PRR5: variants seen among roughly 807,000 people sequenced by gnomAD.
PRR5 encodes proline-rich protein 5.
PRR5 carries 25 observed loss-of-function variants against 30.6 expected under a neutral mutation model. The ratio of observed to expected loss-of-function variants is 0.82; its 90% confidence interval spans 0.60 to 1.14. The LOEUF is 1.14. Among genes scored for constraint, PRR5 ranks in the 50% most tolerant of loss-of-function variants. The pLI is 0.00. For missense variants in PRR5, 600 were observed against 547.1 expected (o/e 1.10, Z -0.96); for synonymous variants, 286 against 247.1 (o/e 1.16, Z -1.48).
chr22:44,696,138 G>A (rs192181452), intron 1 of PRR5, among the ~76,000 whole-genome samples: 46 of 151,950 alleles, frequency 3.0e-4, no homozygotes, highest in Non-Finnish European at 5.3e-4. Flanking sequence ...TGGCCAGGCT[G>A]GTCTGGAATT....
intron 5 of PRR5, 65 bp from the exon 6 acceptor site, chr22:44,732,186 C>T (rs1322565916): frequency 7.6e-6 from 12 of 1,584,110 alleles, no homozygotes; most frequent in South Asian, 1.1e-5. Flanking sequence ...GTCCCAGGAC[C>T]GGGAGAGGGG....
chr22:44,696,728 T>C (rs948775667), intron 1 of PRR5, among the ~76,000 whole-genome samples: 2 of 151,334 alleles, frequency 1.3e-5, no homozygotes, highest in African/African-American at 2.4e-5. Context: ...TACGTATTTA[T>C]TTATTTATTT....
chr22:44,729,629 A>G (rs1921551657), intron 4 of PRR5: 3 of 985,316 alleles, frequency 3.0e-6, no homozygotes, highest in Admixed American at 6.1e-5. Context: ...GGGTCGCCCC[A>G]TACCTGCCTC....
chr22:44,705,235 GGC>G (rs1177027284), intron 1 of PRR5, among the ~76,000 whole-genome samples: 3 of 152,146 alleles, frequency 2.0e-5, no homozygotes, highest in African/African-American at 7.2e-5. Context: ...AGCTTCTGGT[GGC>G]TCTTTGGCTT....
At chr22:44,697,152 C>T (rs1925828699) in intron 1 of PRR5, among the ~76,000 whole-genome samples, 2 of 152,170 alleles carry the variant, frequency 1.3e-5, no homozygotes, top group Admixed American at 6.5e-5. Flanking sequence ...CTCAGTTTCC[C>T]CAGTCGTGAA....
At position 44,735,016 on chromosome 22, in the gene PRR5, C is replaced by T. The variant is rs1311864888; in HGVS notation, c.556-11C>T. The T allele has an allele frequency of 6.2e-7, 1 of 1,610,318 alleles. No individual in the cohort carries two copies. The highest frequency in any genetic ancestry group is 1.7e-5 in the Admixed American group (1 of 59,914). On this transcript the variant is annotated splice_polypyrimidine_tract_variant and intron_variant, in intron 6 of 7. Transcript: ENST00000336985. ...GCATGACCCCCTACCCCCTGCCCCA[C>T]TCTCCTGCAGGGGGTACATGAGTCC... is the stretch of plus-strand genomic sequence containing the variant.
At chr22:44,696,725 T>TTATTTATG in intron 1 of PRR5, among the ~76,000 whole-genome samples, 1 of 150,970 alleles carries the variant, frequency 6.6e-6, no homozygotes, top group Non-Finnish European at 1.5e-5. Context: ...ACTTACGTAT[T>TTATTTATG]TATTTATTTA....
intron 1 of PRR5, chr22:44,680,007 CTGGA>C: frequency 1.4e-5 from 12 of 862,236 alleles, no homozygotes; most frequent in Non-Finnish European, 2.2e-5. Context: ...GGAATGAGGG[CTGGA>C]CCTCAGCCTG....
chr22:44,679,907 G>A (rs527550342), intron 1 of PRR5: 10 of 1,560,196 alleles, frequency 6.4e-6, no homozygotes, highest in Non-Finnish European at 8.7e-6. Flanking sequence ...CCGAAGGGTG[G>A]CTACGAGGGA....
chr22:44,704,087 A>T (rs915414034), intron 1 of PRR5, among the ~76,000 whole-genome samples: 1 of 152,158 alleles, frequency 6.6e-6, no homozygotes, highest in Non-Finnish European at 1.5e-5. Flanking sequence ...TGCCCACCTC[A>T]TGGGGCTGTT....
chr22:44,714,712 C>G, intron 2 of PRR5, 41 bp downstream of exon 2: 5 of 1,609,944 alleles, frequency 3.1e-6, no homozygotes, highest in Non-Finnish European at 4.2e-6. Context: ...CCTTGAGTGG[C>G]AGGGAGGGCT....
chr22:44,710,583 C>T (rs1024554036), intron 1 of PRR5, among the ~76,000 whole-genome samples: 4 of 152,142 alleles, frequency 2.6e-5, no homozygotes, highest in Non-Finnish European at 5.9e-5. Flanking sequence ...CACATGAGAC[C>T]CTCCCACCCT....
chr22:44,726,655 G>A (rs199638202), intron 4 of PRR5, 21 bp downstream of exon 4: 119 of 1,613,858 alleles, frequency 7.4e-5, no homozygotes, highest in East Asian at 8.9e-5. Context: ...GCCCCTTGGC[G>A]GCCACTCTGG....
At chr22:44,693,774 C>T (rs1337569805) in intron 1 of PRR5, among the ~76,000 whole-genome samples, 1 of 149,136 alleles carries the variant, frequency 6.7e-6, no homozygotes, top group African/African-American at 2.5e-5. Context: ...GGACTACAGG[C>T]GCCTGCCACC....
intron 7 of PRR5, among the ~76,000 whole-genome samples, chr22:44,735,862 C>T (rs562648731): frequency 9.9e-5 from 15 of 152,194 alleles, no homozygotes; most frequent in Non-Finnish European, 2.2e-4. Flanking sequence ...TAAAACCTGC[C>T]CACTGGTGTG....
intron 2 of PRR5, among the ~76,000 whole-genome samples, chr22:44,723,416 G>A (rs1456853338): frequency 1.3e-5 from 2 of 152,122 alleles, no homozygotes; most frequent in African/African-American, 2.4e-5. Context: ...AATATTTAGT[G>A]CACTATAATT....
In PRR5 at chr22:44,703,994, C is replaced by A. The variant is rs1432560230; in HGVS notation, c.134+1386C>A. 2.0e-5 allele frequency among the ~76,000 whole-genome samples: 3 copies of A among 152,356 alleles called. No individual in the cohort carries two copies. In the East Asian group the frequency reaches 5.8e-4, roughly 29 times the overall value. ...AGAGTTAAATAGACTTATTTCAAAT[C>A]CCAACTCTGCCTCTTCCCTACTCTG... On this transcript the variant is annotated intron_variant, in intron 1 of 7. Coordinates refer to ENST00000336985, the MANE Select transcript of PRR5 (RefSeq NM_181333.4).
At chr22:44,676,424 G>C (rs1291753599), upstream of PRR5, among the ~76,000 whole-genome samples, 1 of 135,754 alleles carries the variant, frequency 7.4e-6, no homozygotes, top group Non-Finnish European at 1.6e-5. Context: ...AAGAAAGAAA[G>C]AAAAGAGAAG....
chr22:44,669,603 C>T (rs1923306710), intron 1 of PRR5, among the ~76,000 whole-genome samples: 1 of 152,228 alleles, frequency 6.6e-6, no homozygotes, highest in Non-Finnish European at 1.5e-5. Context: ...ATAAGCAGAG[C>T]CTGACGCTTT....
Sources: gnomAD v4.1 joint callset for allele counts (sites outside exome capture counted in the v4.1 genomes callset) on GRCh38, gnomAD v4.1.1 for gene constraint, MANE v1.5 for transcripts, NCBI Gene and HGNC (gene_info 2026-07-23, HGNC 2026-07-21) for gene names.